The following MTMR9 variants were observed in gnomAD, a reference collection of about 807,000 sequenced individuals.
The protein encoded by MTMR9 is myotubularin related protein 9.
Under a neutral mutation model 69.5 loss-of-function variants are expected in MTMR9, and 39 were observed. The ratio of observed to expected loss-of-function variants is 0.56; its 90% CI spans 0.43 to 0.73. The LOEUF is 0.73. Among genes scored for constraint, MTMR9 ranks in the 30% least tolerant of loss-of-function variants. The pLI, the probability that MTMR9 is intolerant of heterozygous loss-of-function variation, is 0.00. For missense variants in MTMR9, 900 were observed against 671.2 expected (o/e 1.34, Z -3.77); for synonymous variants, 354 against 240.8 (o/e 1.47, Z -4.35).
intron 2 of MTMR9, among the ~76,000 whole-genome samples, chr8:11,297,058 G>T (rs1799586781): frequency 6.6e-6 from 1 of 152,096 alleles, no homozygotes; most frequent in Non-Finnish European, 1.5e-5. Flanking sequence ...AATTATATCA[G>T]TTAATCTTAG....
At chr8:11,333,048 C>T (rs757831370), downstream of MTMR9, among the ~76,000 whole-genome samples, 1 of 152,182 alleles carries the variant, frequency 6.6e-6, no homozygotes, top group Non-Finnish European at 1.5e-5. Flanking sequence ...AGTGGACCAA[C>T]ATATGGTTTA....
At chr8:11,302,752 T>C (rs1799795100) in intron 3 of MTMR9, among the ~76,000 whole-genome samples, 2 of 152,066 alleles carry the variant, frequency 1.3e-5, no homozygotes, top group African/African-American at 4.8e-5. Context: ...GAAATGAAGG[T>C]AGCAAAATTG....
rs1438336482 is a variant in MTMR9, at chr8:11,297,266, G to C, written c.291+1964G>C. Among the ~76,000 whole-genome samples the C allele has an allele frequency of 2.0e-5, 3 of 152,290 alleles. No individual in the cohort carries two copies. The East Asian group carries it at 5.8e-4, about 29-fold the overall frequency. The stretch of plus-strand genomic sequence containing the variant: ...GAAATAGAGGAAAAACTGTTATAGT[G>C]CTAAGTAAATGGTACATAACACATT... On this transcript the variant is annotated intron_variant, in intron 2 of 9. Coordinates refer to ENST00000221086, the MANE Select transcript of MTMR9 (RefSeq NM_015458.4).
At chr8:11,322,579 T>C in intron 9 of MTMR9, 46 bp from the exon 10 acceptor site, 1 of 1,523,492 alleles carries the variant, frequency 6.6e-7, no homozygotes, top group South Asian at 1.2e-5. Flanking sequence ...TTTAATCCAT[T>C]GTATATACCT....
At chr8:11,308,232 A>G (rs566278390) in intron 5 of MTMR9, among the ~76,000 whole-genome samples, 2 of 152,292 alleles carry the variant, frequency 1.3e-5, no homozygotes, top group Non-Finnish European at 2.9e-5. Flanking sequence ...GGTGTGAGGT[A>G]AGGGTTGAGT....
chr8:11,306,488 A>G (rs775259495), intron 5 of MTMR9, 81 bp downstream of exon 5: 131 of 1,272,410 alleles, frequency 1.0e-4, no homozygotes, highest in Non-Finnish European at 5.8e-5. Context: ...GAAAATCACA[A>G]GTGCTCAAAT....
intron 1 of MTMR9, among the ~76,000 whole-genome samples, chr8:11,287,003 C>A (rs1298352452): frequency 1.3e-5 from 2 of 152,154 alleles, no homozygotes; most frequent in Admixed American, 1.3e-4. Flanking sequence ...ATTTAAGACA[C>A]CAAGGTAAAT....
Position 11,295,198 on chromosome 8 carries a change from G to A in MTMR9, c.187G>A (p.Val63Ile). 2 of 1,578,956 alleles carry A rather than the reference G, an allele frequency of 1.3e-6. No individual in the cohort carries two copies. Among genetic ancestry groups the A allele is most frequent in the East Asian group, 2.2e-5 (1 of 44,450 alleles). ...ATGATTTGCAATTTCTTACAGATTT[G>A]TAGGATCACTGGGTACCATCATCAT... ...SNIDAIDKRF[V>I]GSLGTIIIKC... Residue 63 changes from valine (V) to isoleucine (I), a missense_variant, in exon 2 of 10, where the codon GTA becomes ATA. By Grantham distance (29) the Val-to-Ile change is conservative. Transcript: ENST00000221086.
chr8:11,302,013 T>G (rs530601694), intron 3 of MTMR9, among the ~76,000 whole-genome samples: 1 of 152,080 alleles, frequency 6.6e-6, no homozygotes, highest in East Asian at 1.9e-4. Context: ...TCCTAGCACT[T>G]AAGGAGGCTG....
At chr8:11,291,597 G>T (rs1799382669) in intron 1 of MTMR9, among the ~76,000 whole-genome samples, 1 of 151,996 alleles carries the variant, frequency 6.6e-6, no homozygotes, top group Non-Finnish European at 1.5e-5. Flanking sequence ...TAAATGAATG[G>T]AGAATACCTT....
chr8:11,291,572 A>G (rs1186917059), intron 1 of MTMR9, among the ~76,000 whole-genome samples: 1 of 152,090 alleles, frequency 6.6e-6, no homozygotes, highest in Non-Finnish European at 1.5e-5. Context: ...TAAGTAACTG[A>G]CTAGAAACAT....
chr8:11,313,503 C>A (rs549997891), intron 6 of MTMR9, among the ~76,000 whole-genome samples: 11 of 152,324 alleles, frequency 7.2e-5, no homozygotes, highest in Admixed American at 1.3e-4. Context: ...CAGCTTTCGA[C>A]GTGCCTTCCT....
intron 1 of MTMR9, among the ~76,000 whole-genome samples, chr8:11,288,939 G>A (rs566639673): frequency 7.9e-5 from 12 of 152,322 alleles, no homozygotes; most frequent in Non-Finnish European, 1.8e-4. Flanking sequence ...CTGGGAGGCC[G>A]AGGCGGGCAG....
intron 1 of MTMR9, among the ~76,000 whole-genome samples, chr8:11,286,142 T>TG (rs1799147268): frequency 6.6e-6 from 1 of 151,564 alleles, no homozygotes; most frequent in South Asian, 2.1e-4. Context: ...TTAGTAGAGA[T>TG]GGGGTTTCAC....
Position 11,322,905 on chromosome 8 carries a change from A to C in MTMR9, c.*117A>C. 1 of 835,644 alleles carries C rather than the reference A, an allele frequency of 1.2e-6. No individual in the cohort carries two copies. The highest frequency in any genetic ancestry group is 1.8e-6 in the Non-Finnish European group (1 of 540,994). 51.8% of individuals were successfully genotyped at this position (835,644 alleles called of 1,614,324 possible). A position where few individuals can be genotyped will look rare whatever the true frequency, so the allele number is the denominator to read the frequency against. On this transcript the variant is annotated 3_prime_UTR_variant, in exon 10 of 10. Transcript: ENST00000221086. ...TTGAAGTGAAGGCTTTAGATGTGGG[A>C]CCCCCCTAATGTAATGGATTTCTCA...
chr8:11,287,942 A>G (rs1161108952), intron 1 of MTMR9, among the ~76,000 whole-genome samples: 3 of 128,860 alleles, frequency 2.3e-5, no homozygotes, highest in Non-Finnish European at 4.7e-5. Flanking sequence ...TATGTGTTAT[A>G]TATCATACGT....
chr8:11,308,680 T>C lies in MTMR9; in HGVS notation c.810-847T>C, dbSNP rs1239441421. 2.0e-5 allele frequency among the ~76,000 whole-genome samples: 3 copies of C among 152,252 alleles called. No individual in the cohort carries two copies. The East Asian group carries it at 5.8e-4, about 29-fold the overall frequency. ...CTTATGATCCCTTGTATTTCTGTGA[T>C]ATCAGTTGTAATATCTCATCTTTAT... On this transcript the variant is annotated intron_variant, in intron 5 of 9. Coordinates refer to ENST00000221086, the MANE Select transcript of MTMR9 (RefSeq NM_015458.4).
chr8:11,308,913 C>T, intron 5 of MTMR9, among the ~76,000 whole-genome samples: 1 of 152,324 alleles, frequency 6.6e-6, no homozygotes, highest in African/African-American at 2.4e-5. Context: ...ACAAGGCCAG[C>T]TCCTCTGCAG....
chr8:11,291,822 C>T (rs1799388687), intron 1 of MTMR9, among the ~76,000 whole-genome samples: 1 of 151,952 alleles, frequency 6.6e-6, no homozygotes, highest in Non-Finnish European at 1.5e-5. Context: ...TTTTTACTGA[C>T]AGTTTGGTTG....
Sources: allele counts gnomAD v4.1 joint callset (sites outside exome capture counted in the v4.1 genomes callset), GRCh38; gene constraint gnomAD v4.1.1; transcripts MANE v1.5; gene names NCBI Gene and HGNC (gene_info 2026-07-23, HGNC 2026-07-21).